The following RIPOR2 variants were observed in gnomAD, a reference collection of about 807,000 sequenced individuals.
RIPOR2 encodes RHO family interacting cell polarization regulator 2.
A neutral mutation model predicts 114.5 loss-of-function variants in RIPOR2; 39 were observed. The observed-to-expected ratio is 0.34, with a 90% CI of 0.26 to 0.44. The LOEUF is 0.44. Ranked by LOEUF, RIPOR2 falls within the 20% of genes least tolerant of loss-of-function variation. The pLI, the probability that RIPOR2 is intolerant of heterozygous loss-of-function variation, is 1.00. For synonymous variants in RIPOR2, 445 were observed against 484.4 expected, an observed-to-expected ratio of 0.92 and a Z score of 1.07; for missense variants, 1,007 against 1,255.1, an observed-to-expected ratio of 0.80 and a Z score of 2.99.
At chr6:24,823,954 C>T (rs1759924345) in intron 19 of RIPOR2, among the ~76,000 whole-genome samples, 1 of 151,854 alleles carries the variant, frequency 6.6e-6, no homozygotes, top group African/African-American at 2.4e-5. Flanking sequence ...ACAGGGTTTC[C>T]CCATGTTGGC....
intron 1 of RIPOR2, among the ~76,000 whole-genome samples, chr6:24,963,812 T>C (rs1453123126): frequency 6.6e-6 from 1 of 151,986 alleles, no homozygotes; most frequent in East Asian, 1.9e-4. Flanking sequence ...TACGTGTCTT[T>C]GATCTTGTTG....
chr6:24,849,963 G>A lies in RIPOR2; in HGVS notation c.886-13C>T. ...TGAGCTCCGTGACCTAGCAGAGAGA[G>A]TGGGAGAGAATAGGCCTTACATCAC... On this transcript the variant is annotated splice_polypyrimidine_tract_variant and intron_variant, in intron 10 of 21. Coordinates refer to ENST00000643898, the MANE Select transcript of RIPOR2 (RefSeq NM_001286445.3). The A allele has an allele frequency of 6.2e-7, 1 of 1,612,134 alleles. No homozygotes were observed. Among genetic ancestry groups the A allele is most frequent in the Non-Finnish European group, 8.5e-7 (1 of 1,178,520 alleles).
chr6:25,032,901 G>A (rs1432930230), intron 1 of RIPOR2, among the ~76,000 whole-genome samples: 3 of 152,200 alleles, frequency 2.0e-5, no homozygotes, highest in African/African-American at 7.2e-5. Flanking sequence ...AAATGAAACA[G>A]TAAGTTGTAG....
chr6:24,894,308 T>C (rs188598797), intron 1 of RIPOR2, among the ~76,000 whole-genome samples: 159 of 152,336 alleles, frequency 1.0e-3, no homozygotes, highest in Non-Finnish European at 1.8e-3. Flanking sequence ...TATTCCTGTT[T>C]TACAGGAATA....
At chr6:24,898,808 T>C (rs975909620) in intron 1 of RIPOR2, among the ~76,000 whole-genome samples, 1 of 152,218 alleles carries the variant, frequency 6.6e-6, no homozygotes, top group African/African-American at 2.4e-5. Flanking sequence ...TCTGCCTGGT[T>C]ACAAGGAAGC....
Position 24,835,808 on chromosome 6 carries a change from T to C in RIPOR2, c.2103A>G (p.Gly701=). Residue 701 remains glycine (G), a synonymous_variant, in exon 15 of 22, where the codon GGA becomes GGG. Coordinates refer to ENST00000643898, the MANE Select transcript of RIPOR2 (RefSeq NM_001286445.3). The part of the protein sequence containing the change: ...HLSEALTEDT[G]VGTSVAGSPL... Reference sequence around the variant, plus strand: ...GACTTCCTGCCACACTGGTCCCAACTCCTGTGTCTTCAGTGAGCGCTTCAC... The same window carrying C: ...GACTTCCTGCCACACTGGTCCCAACCCCTGTGTCTTCAGTGAGCGCTTCAC... The C allele has an allele frequency of 1.3e-6, 2 of 1,551,564 alleles. No homozygotes were observed. The highest frequency in any genetic ancestry group is 1.7e-6 in the Non-Finnish European group (2 of 1,146,934).
At position 24,805,448 on chromosome 6, in the gene RIPOR2, C is replaced by CA. The variant is rs1780714659; in HGVS notation, c.*924dup. The CA allele has an allele frequency of 6.6e-6, 1 of 150,864 alleles. No homozygotes were observed. Among genetic ancestry groups the CA allele is most frequent in the Non-Finnish European group, 1.5e-5 (1 of 67,860 alleles). 9.3% of individuals were successfully genotyped at this position (150,864 alleles called of 1,614,324 possible). On this transcript the variant is annotated 3_prime_UTR_variant, in exon 22 of 22. Transcript: ENST00000643898. ...TTCCTCTGTCACATGGGCTGGAGTG[C>CA]AGTAGTGTAATCTCAGCTTACTGCA... is the stretch of plus-strand genomic sequence containing the variant.
At chr6:24,988,191 T>A (rs536594058) in intron 1 of RIPOR2, among the ~76,000 whole-genome samples, 15 of 152,364 alleles carry the variant, frequency 9.8e-5, no homozygotes, top group Non-Finnish European at 1.6e-4. Context: ...AGCTTCTTTT[T>A]TTTTATTTTA....
At chr6:24,927,303 C>CACCACCACT (rs1771007988) in intron 1 of RIPOR2, among the ~76,000 whole-genome samples, 4 of 53,918 alleles carry the variant, frequency 7.4e-5, no homozygotes, top group Admixed American at 6.4e-4. Context: ...CCACCACCAC[C>CACCACCACT]ACAACTACAA....
At chr6:24,916,157 A>T (rs570110896) in intron 1 of RIPOR2, among the ~76,000 whole-genome samples, 21 of 152,210 alleles carry the variant, frequency 1.4e-4, no homozygotes, top group East Asian at 5.8e-4. Flanking sequence ...TCCTCAGGCC[A>T]TTCCTACTGC....
intron 1 of RIPOR2, 137 bp downstream of exon 1, chr6:24,935,701 C>A: frequency 1.6e-6 from 1 of 629,864 alleles, no homozygotes; most frequent in African/African-American, 1.8e-5. Context: ...TATTTGCAGC[C>A]ACTACCTCAC....
At chr6:24,963,903 T>TA (rs1377345469) in intron 1 of RIPOR2, among the ~76,000 whole-genome samples, 1 of 152,106 alleles carries the variant, frequency 6.6e-6, no homozygotes, top group Non-Finnish European at 1.5e-5. Flanking sequence ...ATTGCAAAAA[T>TA]AGTACAAAGA....
At chr6:25,005,379 A>G (rs1418920773) in intron 1 of RIPOR2, among the ~76,000 whole-genome samples, 1 of 152,160 alleles carries the variant, frequency 6.6e-6, no homozygotes, top group East Asian at 1.9e-4. Flanking sequence ...CCATTAATCC[A>G]TAAGTGTCAT....
At chr6:24,956,532 T>C (rs1394284829) in intron 1 of RIPOR2, among the ~76,000 whole-genome samples, 1 of 152,244 alleles carries the variant, frequency 6.6e-6, no homozygotes, top group Non-Finnish European at 1.5e-5. Flanking sequence ...ATTTGTGATA[T>C]GCAAATATTT....
chr6:24,932,318 G>A (rs1197451873), intron 1 of RIPOR2, among the ~76,000 whole-genome samples: 1 of 120,254 alleles, frequency 8.3e-6, no homozygotes, highest in Admixed American at 8.1e-5. Flanking sequence ...TTAAGACTGT[G>A]TGTGTGTGTG....
At chr6:24,822,769 C>T (rs897362823) in intron 19 of RIPOR2, among the ~76,000 whole-genome samples, 17 of 152,246 alleles carry the variant, frequency 1.1e-4, no homozygotes. Flanking sequence ...ATCCACCCGC[C>T]TCGGCTTCCC....
chr6:24,891,561 T>C (rs1347897589), intron 1 of RIPOR2, among the ~76,000 whole-genome samples: 12 of 151,384 alleles, frequency 7.9e-5, no homozygotes, highest in Admixed American at 7.2e-4. Context: ...CAATATAGCA[T>C]AAAGAAAGAA....
At chr6:24,945,789 C>T (rs1188521746) in intron 1 of RIPOR2, among the ~76,000 whole-genome samples, 2 of 151,974 alleles carry the variant, frequency 1.3e-5, no homozygotes, top group Non-Finnish European at 2.9e-5. Context: ...AAATTATAAA[C>T]TAGAAAAATA....
At chr6:24,871,681 G>A (rs1408614415) in intron 4 of RIPOR2, among the ~76,000 whole-genome samples, 2 of 152,190 alleles carry the variant, frequency 1.3e-5, no homozygotes, top group African/African-American at 2.4e-5. Context: ...GCTGTGATAA[G>A]CTTTTCTCAA....
Sources: allele counts gnomAD v4.1 joint callset (sites outside exome capture counted in the v4.1 genomes callset), GRCh38; gene constraint gnomAD v4.1.1; transcripts MANE v1.5; gene names NCBI Gene and HGNC (gene_info 2026-07-23, HGNC 2026-07-21).